The following CNBD1 variants were observed in gnomAD, a reference collection of about 807,000 sequenced individuals.
CNBD1 encodes the protein cyclic nucleotide-binding domain-containing protein 1.
A neutral mutation model predicts 54.4 loss-of-function variants in CNBD1; 71 were observed. That is an observed-to-expected ratio of 1.30 (90% CI 1.08 to 1.59). The LOEUF (loss-of-function observed/expected upper bound fraction) is 1.59, where lower values mean the gene tolerates loss of function less well. Among genes scored for constraint, CNBD1 ranks in the 40% most tolerant of loss-of-function variants. The pLI, the probability that CNBD1 is intolerant of heterozygous loss-of-function variation, is 0.00. For synonymous variants in CNBD1, 182 were observed against 170.7 expected (o/e 1.07, Z -0.51); for missense variants, 659 against 518.0 (o/e 1.27, Z -2.64).
At chr8:87,364,444 T>G (rs1042535232) in intron 10 of CNBD1, among the ~76,000 whole-genome samples, 14 of 151,822 alleles carry the variant, frequency 9.2e-5, no homozygotes, top group Non-Finnish European at 1.3e-4. Flanking sequence ...TGTTTTACTT[T>G]TTAATTCTTT....
intron 4 of CNBD1, among the ~76,000 whole-genome samples, chr8:87,124,452 C>T (rs1014635646): frequency 7.3e-5 from 11 of 151,422 alleles, no homozygotes; most frequent in Non-Finnish European, 1.6e-4. Flanking sequence ...TTAATAATTA[C>T]CACAATAAAG....
At chr8:87,158,797 C>T (rs748973458) in intron 4 of CNBD1, among the ~76,000 whole-genome samples, 1 of 152,088 alleles carries the variant, frequency 6.6e-6, no homozygotes, top group Non-Finnish European at 1.5e-5. Context: ...GCATGCTATC[C>T]ATCCAAGGGT....
At chr8:87,215,771 A>G (rs1215025354) in intron 5 of CNBD1, among the ~76,000 whole-genome samples, 1 of 152,170 alleles carries the variant, frequency 6.6e-6, no homozygotes, top group Non-Finnish European at 1.5e-5. Flanking sequence ...TTAATCTTTT[A>G]GAGTGTACAA....
chr8:87,120,976 T>C (rs1292615417), intron 4 of CNBD1, among the ~76,000 whole-genome samples: 2 of 151,982 alleles, frequency 1.3e-5, no homozygotes, highest in African/African-American at 4.8e-5. Context: ...TTATAAGATT[T>C]GTGTTAATTG....
At chr8:87,049,035 T>C (rs549160227) in intron 4 of CNBD1, among the ~76,000 whole-genome samples, 4 of 152,286 alleles carry the variant, frequency 2.6e-5, no homozygotes, top group South Asian at 2.1e-4. Context: ...GGCTGAAAAG[T>C]GTATCCTTGA....
At chr8:87,127,124 A>G (rs1812009233) in intron 4 of CNBD1, among the ~76,000 whole-genome samples, 1 of 151,978 alleles carries the variant, frequency 6.6e-6, no homozygotes, top group Non-Finnish European at 1.5e-5. Context: ...TATTTTTCAA[A>G]ATCATTTTGG....
intron 2 of CNBD1, among the ~76,000 whole-genome samples, chr8:87,415,196 C>T (rs1807815646): frequency 6.6e-6 from 1 of 152,018 alleles, no homozygotes; most frequent in Non-Finnish European, 1.5e-5. Context: ...TCCCTGTAGT[C>T]GTTGTTCTCT....
chr8:87,039,448 C>T (rs1229840649), intron 4 of CNBD1, among the ~76,000 whole-genome samples: 1 of 151,760 alleles, frequency 6.6e-6, no homozygotes, highest in African/African-American at 2.4e-5. Flanking sequence ...ATATTATTTC[C>T]CCATGGTTTT....
intron 8 of CNBD1, among the ~76,000 whole-genome samples, chr8:87,350,100 A>G (rs1433558183): frequency 6.6e-6 from 1 of 152,166 alleles, no homozygotes. Context: ...TTGCTGATTG[A>G]CTAAAAGAAG....
intron 4 of CNBD1, among the ~76,000 whole-genome samples, chr8:87,044,198 A>G (rs1447720961): frequency 6.6e-6 from 1 of 151,548 alleles, no homozygotes; most frequent in Non-Finnish European, 1.5e-5. Context: ...TCACATGATC[A>G]TATGTTTTTG....
intron 4 of CNBD1, among the ~76,000 whole-genome samples, chr8:87,011,930 T>A (rs1809230946): frequency 6.6e-6 from 1 of 152,156 alleles, no homozygotes; most frequent in African/African-American, 2.4e-5. Flanking sequence ...AATTGGAGTT[T>A]AAGAGCTAAA....
At chr8:87,338,355 G>A (rs1809993771) in intron 8 of CNBD1, among the ~76,000 whole-genome samples, 2 of 151,936 alleles carry the variant, frequency 1.3e-5, no homozygotes, top group Non-Finnish European at 2.9e-5. Flanking sequence ...TTTCTTGCAA[G>A]GCAGGTCTGA....
At chr8:87,156,822 TC>T (rs1812753150) in intron 4 of CNBD1, among the ~76,000 whole-genome samples, 1 of 152,072 alleles carries the variant, frequency 6.6e-6, no homozygotes, top group African/African-American at 2.4e-5. Flanking sequence ...CAATTATTCG[TC>T]AGAAACTCAG....
At position 87,223,307 on chromosome 8, in the gene CNBD1, C is replaced by T. The variant is rs556769558; in HGVS notation, c.578-13612C>T. 3.5e-3 allele frequency among the ~76,000 whole-genome samples: 527 copies of T among 150,904 alleles called. 5 individuals are homozygous for T. Among genetic ancestry groups the T allele is most frequent in the Non-Finnish European group, 5.9e-3 (402 of 67,774 alleles). ...GCACATTGTGCAGGTTAGTTACATA[C>T]GTATACATGTGCCATGCTGGTGTGC... On this transcript the variant is annotated intron_variant, in intron 5 of 10. Coordinates refer to ENST00000518476, the MANE Select transcript of CNBD1 (RefSeq NM_173538.3).
rs1394564142 is a variant in CNBD1, at chr8:87,111,792, C to T, written c.432-94201C>T. Among the ~76,000 whole-genome samples, 8 of 152,170 alleles carry T rather than the reference C, an allele frequency of 5.3e-5. No individual in the cohort carries two copies. The South Asian group carries it at 6.2e-4, about 12-fold the overall frequency. Reference sequence around the variant, plus strand: ...CCTGTGGGTTAGGACACCCCCCTCCCGCCCCCTGCATCCTGCCATTAAGAC... The same window carrying T: ...CCTGTGGGTTAGGACACCCCCCTCCTGCCCCCTGCATCCTGCCATTAAGAC... On this transcript the variant is annotated intron_variant, in intron 4 of 10. Coordinates refer to ENST00000518476, the MANE Select transcript of CNBD1 (RefSeq NM_173538.3).
chr8:86,952,124 T>C (rs2130449816), intron 4 of CNBD1, among the ~76,000 whole-genome samples: 1 of 152,290 alleles, frequency 6.6e-6, no homozygotes, highest in East Asian at 1.9e-4. Flanking sequence ...CACTTTGAGT[T>C]GTCCTACTTT....
intron 3 of CNBD1, among the ~76,000 whole-genome samples, chr8:86,932,714 C>A (rs1229916527): frequency 6.6e-6 from 1 of 152,062 alleles, no homozygotes; most frequent in African/African-American, 2.4e-5. Flanking sequence ...AAATAAGCAG[C>A]TTCTTTTTCA....
At position 87,388,326 on chromosome 8, in the gene CNBD1, G is replaced by A. The variant is rs537308555; in HGVS notation, c.213+34540G>A. On this transcript the variant is annotated intron_variant, in intron 2 of 7. Coordinates refer to the CNBD1 transcript ENST00000521593. ...CAATGAATCCAGGAGCTGGTTTTTT[G>A]AAAAGATCAACGAAATTGATAGACC... 6.6e-5 allele frequency among the ~76,000 whole-genome samples: 10 copies of A among 151,936 alleles called. No homozygotes were observed. In the South Asian group the frequency reaches 1.9e-3, roughly 28 times the overall value.
chr8:87,303,169 G>A (rs1003981128), intron 8 of CNBD1, among the ~76,000 whole-genome samples: 9 of 151,622 alleles, frequency 5.9e-5, no homozygotes, highest in South Asian at 4.2e-4. Flanking sequence ...AAAAGAGCCT[G>A]CATTGCCAAG....
Sources: gnomAD v4.1 joint callset for allele counts (sites outside exome capture counted in the v4.1 genomes callset) on GRCh38, gnomAD v4.1.1 for gene constraint, MANE v1.5 for transcripts, NCBI Gene and HGNC (gene_info 2026-07-23, HGNC 2026-07-21) for gene names.